The following KLF12 variants were observed in gnomAD, a reference collection of about 807,000 sequenced individuals.
The protein encoded by KLF12 is KLF transcription factor 12.
A neutral mutation model predicts 37.8 loss-of-function variants in KLF12; 9 were observed. The observed-to-expected ratio is 0.24, with a 90% CI of 0.14 to 0.42. The LOEUF is 0.42. KLF12 is among the 10% of genes least tolerant of loss of function. The pLI, the probability that KLF12 is intolerant of heterozygous loss-of-function variation, is 1.00. For synonymous variants in KLF12, 208 were observed against 202.1 expected, an observed-to-expected ratio of 1.03 and a Z score of -0.25; for missense variants, 411 against 516.0, an observed-to-expected ratio of 0.80 and a Z score of 1.97.
chr13:74,105,822 GAGA>G (rs1054760543), intron 1 of KLF12, among the ~76,000 whole-genome samples: 2 of 152,122 alleles, frequency 1.3e-5, no homozygotes, highest in Non-Finnish European at 2.9e-5. Flanking sequence ...CTCTCCAAAG[GAGA>G]AGAAGAAAAT....
rs565864440 is a variant in KLF12, at chr13:73,727,569, C to T, written c.870-12044G>A. 7.4e-4 allele frequency among the ~76,000 whole-genome samples: 113 copies of T among 152,276 alleles called. 1 individual carries two copies. Among genetic ancestry groups the T allele is most frequent in the African/African-American group, 2.6e-3 (106 of 41,550 alleles). ...CATGGATTTGTCTATGTATAATTAT[C>T]TCAGTACCACAATGTCTTAATTTTA... is the stretch of plus-strand genomic sequence containing the variant. On this transcript the variant is annotated intron_variant, in intron 6 of 7. Transcript: ENST00000377669.
At chr13:74,103,157 C>T (rs1387308694) in intron 1 of KLF12, among the ~76,000 whole-genome samples, 3 of 152,212 alleles carry the variant, frequency 2.0e-5, no homozygotes, top group Admixed American at 6.5e-5. Flanking sequence ...GCTCACACAA[C>T]TTGCTATACA....
At chr13:74,053,648 A>C (rs1276249387) in intron 1 of KLF12, among the ~76,000 whole-genome samples, 6 of 152,202 alleles carry the variant, frequency 3.9e-5, no homozygotes, top group Non-Finnish European at 8.8e-5. Flanking sequence ...AATGCTTTGC[A>C]AAGGTGGAGG....
At chr13:73,996,302 C>T (rs1892117863) in intron 1 of KLF12, among the ~76,000 whole-genome samples, 1 of 152,178 alleles carries the variant, frequency 6.6e-6, no homozygotes, top group African/African-American at 2.4e-5. Context: ...AGTATAATTC[C>T]TCTATTTAAC....
At chr13:73,985,547 T>C (rs948903131) in intron 2 of KLF12, among the ~76,000 whole-genome samples, 2 of 152,188 alleles carry the variant, frequency 1.3e-5, no homozygotes, top group African/African-American at 4.8e-5. Flanking sequence ...AACCCCAGAC[T>C]CTGTGTAACT....
chr13:73,832,722 G>A (rs1223500574), intron 4 of KLF12, among the ~76,000 whole-genome samples: 1 of 152,182 alleles, frequency 6.6e-6, no homozygotes, highest in Non-Finnish European at 1.5e-5. Flanking sequence ...CTTTCTCACA[G>A]AGAGATATTT....
chr13:74,119,330 C>A (rs906191044), intron 1 of KLF12, among the ~76,000 whole-genome samples: 1 of 97,352 alleles, frequency 1.0e-5, no homozygotes, highest in African/African-American at 2.6e-5. Context: ...AGACTCTTAT[C>A]GCAAAAAAAA....
At chr13:74,013,151 G>A (rs1362676343) in intron 1 of KLF12, among the ~76,000 whole-genome samples, 4 of 152,218 alleles carry the variant, frequency 2.6e-5, no homozygotes, top group Admixed American at 1.3e-4. Context: ...CTAACCTTGG[G>A]ACATCCTGGG....
At chr13:74,261,155 A>G in the KLF12 span, among the ~76,000 whole-genome samples, 1 of 152,186 alleles carries the variant, frequency 6.6e-6, no homozygotes, top group Non-Finnish European at 1.5e-5. Flanking sequence ...TTAAAAAGAG[A>G]TCAATATGTA....
chr13:74,173,269 T>C, the KLF12 span, among the ~76,000 whole-genome samples: 3 of 152,222 alleles, frequency 2.0e-5, no homozygotes, highest in African/African-American at 7.2e-5. Flanking sequence ...TTTTCACTCA[T>C]TTGTACAGCT....
rs1335716070 is a variant in KLF12, at chr13:74,133,786, C to A, written c.-79G>T. On this transcript the variant is annotated 5_prime_UTR_variant, in exon 1 of 8. Transcript: ENST00000377669. ...GAGAAATTGTTTTCTTTCCCTCACA[C>A]AGAGTCCCCCTCTCTCTCTCCCTTT... 6.6e-6 allele frequency among the ~76,000 whole-genome samples: 1 copy of A among 151,352 alleles called. No homozygotes were observed. Among genetic ancestry groups the A allele is most frequent in the African/African-American group, 2.4e-5 (1 of 41,164 alleles).
intron 5 of KLF12, among the ~76,000 whole-genome samples, chr13:73,767,211 G>A (rs1386864384): frequency 1.3e-5 from 2 of 152,120 alleles, no homozygotes; most frequent in Non-Finnish European, 2.9e-5. Context: ...TTTAACCTGT[G>A]ACACTTTTTG....
the KLF12 span, among the ~76,000 whole-genome samples, chr13:74,241,853 G>A: frequency 2.0e-5 from 3 of 151,818 alleles, no homozygotes; most frequent in Non-Finnish European, 2.9e-5. Flanking sequence ...CTGGCACTCC[G>A]TAGTGAGATG....
chr13:73,727,078 A>G (rs540207872), intron 6 of KLF12, among the ~76,000 whole-genome samples: 34 of 152,042 alleles, frequency 2.2e-4, no homozygotes, highest in Non-Finnish European at 4.6e-4. Flanking sequence ...GGCCATTTGT[A>G]TACCTTCTCT....
At chr13:73,868,391 C>T (rs1050073491) in intron 3 of KLF12, among the ~76,000 whole-genome samples, 4 of 145,738 alleles carry the variant, frequency 2.7e-5, no homozygotes, top group Non-Finnish European at 6.0e-5. Context: ...GATTTTTGTT[C>T]GTTTGTTTTT....
intron 5 of KLF12, among the ~76,000 whole-genome samples, chr13:73,808,755 A>G (rs1204382069): frequency 6.6e-6 from 1 of 152,220 alleles, no homozygotes; most frequent in Non-Finnish European, 1.5e-5. Flanking sequence ...TAAAAATCCA[A>G]ACTTGAACAG....
the KLF12 span, among the ~76,000 whole-genome samples, chr13:74,157,530 C>T: frequency 6.6e-6 from 1 of 152,168 alleles, no homozygotes; most frequent in African/African-American, 2.4e-5. Flanking sequence ...CTAAGAGCAG[C>T]AGCTCTTAAC....
At chr13:74,043,084 G>A (rs771625489) in intron 1 of KLF12, among the ~76,000 whole-genome samples, 6 of 152,178 alleles carry the variant, frequency 3.9e-5, no homozygotes, top group African/African-American at 7.2e-5. Flanking sequence ...TCTCCATGAG[G>A]TTAAACAGAT....
intron 3 of KLF12, among the ~76,000 whole-genome samples, chr13:73,926,743 C>T (rs913030429): frequency 4.0e-5 from 6 of 151,328 alleles, no homozygotes; most frequent in African/African-American, 1.5e-4. Flanking sequence ...ATAAATGGTT[C>T]GGTTTTAAGC....
Sources: allele counts gnomAD v4.1 joint callset (sites outside exome capture counted in the v4.1 genomes callset), GRCh38; gene constraint gnomAD v4.1.1; transcripts MANE v1.5; gene names NCBI Gene and HGNC (gene_info 2026-07-23, HGNC 2026-07-21).